ZNF106: variants seen among roughly 807,000 people sequenced by gnomAD.
ZNF106 encodes the protein SH3-domain binding protein 3.
A neutral mutation model predicts 195.1 loss-of-function variants in ZNF106; 67 were observed. The ratio of observed to expected loss-of-function variants is 0.34; its 90% confidence interval spans 0.28 to 0.42. ZNF106 has a LOEUF of 0.42. ZNF106 is among the 10% of genes least tolerant of loss of function. The pLI is 1.00. For missense variants in ZNF106, 2,118 were observed against 2,304.5 expected, an observed-to-expected ratio of 0.92 and a Z score of 1.66; for synonymous variants, 784 against 818.6, an observed-to-expected ratio of 0.96 and a Z score of 0.72.
intron 1 of ZNF106, among the ~76,000 whole-genome samples, chr15:42,486,319 G>A (rs1028721161): frequency 1.1e-4 from 17 of 151,662 alleles, no homozygotes; most frequent in African/African-American, 3.9e-4. Flanking sequence ...GAGTGCAGGG[G>A]CATGATCATA....
intron 3 of ZNF106, among the ~76,000 whole-genome samples, chr15:42,462,497 C>T (rs572411494): frequency 2.0e-4 from 30 of 152,200 alleles, no homozygotes; most frequent in African/African-American, 7.0e-4. Context: ...ACTTGGGAGG[C>T]TCAGGCAGGA....
intron 14 of ZNF106, among the ~76,000 whole-genome samples, chr15:42,433,817 T>G (rs945491606): frequency 1.3e-5 from 2 of 152,148 alleles, no homozygotes; most frequent in South Asian, 2.1e-4. Context: ...AATAACTTAT[T>G]AGAAATGTAA....
intron 1 of ZNF106, chr15:42,490,538 T>C (rs1272125304): frequency 6.6e-6 from 1 of 151,958 alleles, no homozygotes; most frequent in African/African-American, 2.4e-5. Flanking sequence ...TTAGTTGTTA[T>C]TATCAAGACG....
intron 13 of ZNF106, among the ~76,000 whole-genome samples, chr15:42,436,313 A>G (rs886079875): frequency 6.6e-6 from 1 of 152,118 alleles, no homozygotes; most frequent in African/African-American, 2.4e-5. Flanking sequence ...ACTGAGATCT[A>G]TTTAGAATGT....
chr15:42,422,445 C>G, intron 18 of ZNF106, 56 bp downstream of exon 18: 1 of 1,583,928 alleles, frequency 6.3e-7, no homozygotes, highest in Non-Finnish European at 8.6e-7. Context: ...CAACACTAAA[C>G]CCAAATAGAC....
At chr15:42,432,315 C>T (rs562245613) in intron 14 of ZNF106, among the ~76,000 whole-genome samples, 4 of 152,164 alleles carry the variant, frequency 2.6e-5, no homozygotes, top group South Asian at 2.1e-4. Flanking sequence ...CATATAACCA[C>T]GCTTGCCTCA....
At chr15:42,429,813 C>T (rs2054989626) in intron 14 of ZNF106, among the ~76,000 whole-genome samples, 2 of 151,982 alleles carry the variant, frequency 1.3e-5, no homozygotes, top group African/African-American at 4.8e-5. Flanking sequence ...AAGGAACAAA[C>T]TATTGGCACA....
chr15:42,481,513 C>T (rs529073112), intron 1 of ZNF106, among the ~76,000 whole-genome samples: 1 of 151,986 alleles, frequency 6.6e-6, no homozygotes, highest in African/African-American at 2.4e-5. Context: ...ACCAGCTAAT[C>T]ATGCCTGGCT....
intron 3 of ZNF106, 55 bp from the exon 4 acceptor site, chr15:42,457,213 T>C (rs1425838749): frequency 1.2e-6 from 2 of 1,612,862 alleles, no homozygotes; most frequent in East Asian, 2.2e-5. Flanking sequence ...CATGGCACAC[T>C]CACCAGATCT....
At chr15:42,440,190 T>A (rs541349269) in intron 10 of ZNF106, among the ~76,000 whole-genome samples, 13 of 152,376 alleles carry the variant, frequency 8.5e-5, no homozygotes, top group Non-Finnish European at 1.6e-4. Flanking sequence ...GTTTTCATTA[T>A]CCACACCCAT....
chr15:42,466,160 G>GAA (rs11411148), intron 2 of ZNF106, 46 bp from the exon 3 acceptor site: 1,212 of 1,147,822 alleles, frequency 1.1e-3, no homozygotes, highest in Admixed American at 7.2e-3. Context: ...GGATTGCTTT[G>GAA]AAAAAAAAAA....
At position 42,450,505 on chromosome 15, in the gene ZNF106, A is replaced by G. The variant is rs1264701349; in HGVS notation, c.1767T>C (p.Ser589=). The G allele has an allele frequency of 1.9e-6, 3 of 1,613,922 alleles. No homozygotes were observed. Among genetic ancestry groups the G allele is most frequent in the East Asian group, 2.2e-5 (1 of 44,874 alleles). ...SKSTRNYAKA[S]RNVEESEKGS... The stretch of plus-strand genomic sequence containing the variant: ...CTTTTTCAGATTCTTCTACATTTCT[A>G]CTTGCTTTTGCATAGTTCCTGGTAC... Residue 589 remains serine (S), a synonymous_variant, in exon 5 of 22, where the codon AGT becomes AGC. Transcript: ENST00000564754.
chr15:42,428,247 A>G (rs2054927712), intron 14 of ZNF106, 113 bp from the exon 15 acceptor site: 1 of 763,192 alleles, frequency 1.3e-6, no homozygotes, highest in Non-Finnish European at 2.1e-6. Flanking sequence ...AGAAAGTGTG[A>G]CATCCTCTAT....
At chr15:42,479,488 G>GA (rs1055898837) in intron 1 of ZNF106, among the ~76,000 whole-genome samples, 13 of 152,152 alleles carry the variant, frequency 8.5e-5, no homozygotes, top group African/African-American at 3.1e-4. Context: ...TACACTTGGG[G>GA]AAAAAAAGTA....
At chr15:42,428,461 T>A (rs1378649180) in intron 14 of ZNF106, among the ~76,000 whole-genome samples, 1 of 152,222 alleles carries the variant, frequency 6.6e-6, no homozygotes, top group African/African-American at 2.4e-5. Flanking sequence ...GACAAAGCTC[T>A]ATTTTGACAT....
At chr15:42,452,548 T>C (rs188993140) in intron 4 of ZNF106, among the ~76,000 whole-genome samples, 2 of 152,040 alleles carry the variant, frequency 1.3e-5, no homozygotes, top group Non-Finnish European at 2.9e-5. Context: ...TTTGGCACAT[T>C]TATATTCCCT....
At chr15:42,469,704 A>T (rs1048747946) in intron 2 of ZNF106, among the ~76,000 whole-genome samples, 1 of 151,884 alleles carries the variant, frequency 6.6e-6, no homozygotes, top group African/African-American at 2.4e-5. Context: ...ATTAAAAAAT[A>T]GCACATGCCT....
chr15:42,446,690 A>C, intron 6 of ZNF106, 32 bp from the exon 7 acceptor site: 1 of 1,546,836 alleles, frequency 6.5e-7, no homozygotes, highest in South Asian at 1.2e-5. Context: ...AATAAAATCC[A>C]ATGTGTAAAA....
At chr15:42,441,322 G>A (rs1405507408) in intron 10 of ZNF106, among the ~76,000 whole-genome samples, 2 of 151,682 alleles carry the variant, frequency 1.3e-5, no homozygotes, top group Non-Finnish European at 2.9e-5. Context: ...CAGCCTGAGT[G>A]TCAGAGTGAG....
Sources: allele counts gnomAD v4.1 joint callset (sites outside exome capture counted in the v4.1 genomes callset), GRCh38; gene constraint gnomAD v4.1.1; transcripts MANE v1.5; gene names NCBI Gene and HGNC (gene_info 2026-07-23, HGNC 2026-07-21).